Variants in PTPRO observed in about 807,000 individuals in gnomAD.
PTPRO encodes the protein receptor-type tyrosine-protein phosphatase O.
PTPRO carries 62 observed loss-of-function variants against 145.2 expected under a neutral mutation model. The ratio of observed to expected loss-of-function variants is 0.43; its 90% CI spans 0.35 to 0.53. The LOEUF is 0.53. PTPRO is among the 20% of genes least tolerant of loss of function. The pLI is 0.01. For synonymous variants in PTPRO, 565 were observed against 514.7 expected (o/e 1.10, Z -1.32); for missense variants, 1,345 against 1,482.7 (o/e 0.91, Z 1.53).
At chr12:15,378,196 A>G (rs1303655958) in intron 1 of PTPRO, among the ~76,000 whole-genome samples, 12 of 152,020 alleles carry the variant, frequency 7.9e-5, no homozygotes, top group Admixed American at 7.9e-4. Context: ...GAAAAATCAA[A>G]GAAACCAAAC....
At chr12:15,468,506 T>A (rs1047788588) in intron 1 of PTPRO, among the ~76,000 whole-genome samples, 5 of 152,166 alleles carry the variant, frequency 3.3e-5, no homozygotes, top group Non-Finnish European at 7.3e-5. Flanking sequence ...GTTCTTTCTC[T>A]CCAACTAATC....
At chr12:15,535,066 C>A (rs1288463016) in intron 12 of PTPRO, among the ~76,000 whole-genome samples, 1 of 152,092 alleles carries the variant, frequency 6.6e-6, no homozygotes, top group Non-Finnish European at 1.5e-5. Flanking sequence ...CCAGGCTTCA[C>A]CCTTGAGCAA....
At chr12:15,535,849 C>T (rs1012726444) in intron 12 of PTPRO, among the ~76,000 whole-genome samples, 8 of 152,116 alleles carry the variant, frequency 5.3e-5, no homozygotes, top group South Asian at 4.1e-4. Flanking sequence ...CTCATACAAA[C>T]CTTTATAGAG....
intron 1 of PTPRO, chr12:15,348,745 G>A (rs1012500592): frequency 3.3e-5 from 5 of 150,626 alleles, no homozygotes; most frequent in African/African-American, 9.8e-5. Flanking sequence ...CCGAGCTCGC[G>A]CCACTGCATT....
At chr12:15,432,206 A>G (rs988580286) in intron 1 of PTPRO, among the ~76,000 whole-genome samples, 17 of 152,066 alleles carry the variant, frequency 1.1e-4, no homozygotes, top group Admixed American at 1.3e-4. Context: ...CTATGTGTCC[A>G]TGTGTTCTCA....
At chr12:15,340,639 A>C (rs182608161) in intron 1 of PTPRO, among the ~76,000 whole-genome samples, 9 of 152,324 alleles carry the variant, frequency 5.9e-5, no homozygotes, top group Admixed American at 4.6e-4. Context: ...AATTACACAG[A>C]GCTGAATGTA....
intron 1 of PTPRO, among the ~76,000 whole-genome samples, chr12:15,447,049 C>T (rs866350601): frequency 3.3e-5 from 5 of 152,114 alleles, no homozygotes; most frequent in Non-Finnish European, 5.9e-5. Flanking sequence ...TGGTGTTTTG[C>T]TTACAGAAGC....
intron 1 of PTPRO, among the ~76,000 whole-genome samples, chr12:15,442,734 C>A (rs115531128): frequency 6.6e-6 from 1 of 151,788 alleles, no homozygotes; most frequent in Non-Finnish European, 1.5e-5. Flanking sequence ...AAATGCAATC[C>A]GATTTACAAT....
intron 2 of PTPRO, among the ~76,000 whole-genome samples, chr12:15,496,917 T>C (rs1057197172): frequency 2.0e-5 from 3 of 152,228 alleles, no homozygotes; most frequent in Admixed American, 6.5e-5. Context: ...TAAATTACCT[T>C]GGACAAGTAA....
intron 1 of PTPRO, among the ~76,000 whole-genome samples, chr12:15,358,682 C>T (rs561381745): frequency 1.3e-5 from 2 of 152,312 alleles, no homozygotes; most frequent in East Asian, 1.9e-4. Flanking sequence ...AGAAGACAAA[C>T]CCAGCATTCC....
At chr12:15,449,420 A>G (rs1262016961) in intron 1 of PTPRO, among the ~76,000 whole-genome samples, 2 of 152,212 alleles carry the variant, frequency 1.3e-5, no homozygotes, top group African/African-American at 4.8e-5. Flanking sequence ...TTAACAGTAT[A>G]ATGGTGCATA....
At chr12:15,418,691 A>G (rs1312313663) in intron 1 of PTPRO, among the ~76,000 whole-genome samples, 1 of 151,772 alleles carries the variant, frequency 6.6e-6, no homozygotes, top group Admixed American at 6.5e-5. Flanking sequence ...AGGAATACAT[A>G]TGGCATTTCA....
intron 10 of PTPRO, among the ~76,000 whole-genome samples, chr12:15,523,284 T>C (rs1186371478): frequency 6.6e-6 from 1 of 152,238 alleles, no homozygotes; most frequent in East Asian, 1.9e-4. Flanking sequence ...GACATTGTGC[T>C]GTATCTCAGA....
chr12:15,371,687 G>T (rs1467098135), intron 1 of PTPRO, among the ~76,000 whole-genome samples: 1 of 152,048 alleles, frequency 6.6e-6, no homozygotes, highest in Non-Finnish European at 1.5e-5. Context: ...ATTAGGCTTT[G>T]TTCCCCACCC....
chr12:15,556,753 T>G (rs1465885338), intron 15 of PTPRO, among the ~76,000 whole-genome samples: 4 of 152,178 alleles, frequency 2.6e-5, no homozygotes, highest in African/African-American at 9.7e-5. Flanking sequence ...ACAAAGAATT[T>G]TTGCTAAAGA....
At chr12:15,569,281 A>C in intron 18 of PTPRO, 136 bp from the exon 19 acceptor site, 1 of 761,480 alleles carries the variant, frequency 1.3e-6, no homozygotes. Flanking sequence ...ACCAAAAAAA[A>C]AAGGTGAGTG....
At chr12:15,440,714 G>T (rs888566225) in intron 1 of PTPRO, among the ~76,000 whole-genome samples, 2 of 152,062 alleles carry the variant, frequency 1.3e-5, no homozygotes, top group Admixed American at 1.3e-4. Flanking sequence ...AAACAAAAAA[G>T]CAGGGGTCAC....
At chr12:15,371,134 G>C (rs979086507) in intron 1 of PTPRO, among the ~76,000 whole-genome samples, 3 of 151,884 alleles carry the variant, frequency 2.0e-5, no homozygotes, top group African/African-American at 7.3e-5. Context: ...AGCAAGTATT[G>C]TATTTACAAT....
intron 23 of PTPRO, among the ~76,000 whole-genome samples, chr12:15,582,307 A>G (rs1421786724): frequency 6.6e-6 from 1 of 152,208 alleles, no homozygotes; most frequent in African/African-American, 2.4e-5. Context: ...GGGCCAGTTT[A>G]TGGCCAGATT....
Sources: gnomAD v4.1 joint callset for allele counts (sites outside exome capture counted in the v4.1 genomes callset) on GRCh38, gnomAD v4.1.1 for gene constraint, MANE v1.5 for transcripts, NCBI Gene and HGNC (gene_info 2026-07-23, HGNC 2026-07-21) for gene names.